CMIP: variants seen among roughly 807,000 people sequenced by gnomAD.
CMIP encodes c-Maf inducing protein.
A neutral mutation model predicts 97.3 loss-of-function variants in CMIP; 13 were observed. That is an observed-to-expected ratio of 0.13 (90% CI 0.09 to 0.21). The LOEUF (loss-of-function observed/expected upper bound fraction) is 0.21, where lower values mean the gene tolerates loss of function less well. Ranked by LOEUF, CMIP falls within the 10% of genes least tolerant of loss-of-function variation. The pLI, the probability that CMIP is intolerant of heterozygous loss-of-function variation, is 1.00. For synonymous variants in CMIP, 538 were observed against 436.3 expected, an observed-to-expected ratio of 1.23 and a Z score of -2.91; for missense variants, 847 against 1,024.9, an observed-to-expected ratio of 0.83 and a Z score of 2.37.
chr16:81,543,488 CT>C (rs1208104157), intron 1 of CMIP, among the ~76,000 whole-genome samples: 14 of 152,140 alleles, frequency 9.2e-5, no homozygotes, highest in African/African-American at 3.4e-4. Context: ...TGTGACCTCC[CT>C]TTTCCAGCAG....
chr16:81,635,801 T>C (rs2092227235), intron 3 of CMIP, among the ~76,000 whole-genome samples: 1 of 152,096 alleles, frequency 6.6e-6, no homozygotes, highest in African/African-American at 2.4e-5. Context: ...GGGGGACAGC[T>C]CTGCCCATTC....
chr16:81,582,261 C>G (rs1567592828), intron 1 of CMIP, among the ~76,000 whole-genome samples: 1 of 152,190 alleles, frequency 6.6e-6, no homozygotes, highest in Non-Finnish European at 1.5e-5. Flanking sequence ...TGTCAAGCCT[C>G]TTCCCCAAAT....
chr16:81,526,101 T>C (rs4889332), intron 1 of CMIP, among the ~76,000 whole-genome samples: 36,042 of 152,026 alleles, frequency 0.24, 4,451 homozygotes, highest in East Asian at 0.42. Context: ...GCTGTGAACA[T>C]TGGTATATAA....
At chr16:81,466,068 C>G (rs1222697952) in intron 1 of CMIP, among the ~76,000 whole-genome samples, 1 of 150,646 alleles carries the variant, frequency 6.6e-6, no homozygotes, top group African/African-American at 2.4e-5. Flanking sequence ...TTTATTTTGT[C>G]TTATTTTTTT....
chr16:81,572,952 C>T (rs1054749625), intron 1 of CMIP, among the ~76,000 whole-genome samples: 3 of 152,200 alleles, frequency 2.0e-5, no homozygotes, highest in Non-Finnish European at 2.9e-5. Context: ...CTTCAAATAT[C>T]AGCAAGTTTC....
At position 81,607,730 on chromosome 16, in the gene CMIP, C is replaced by T. The variant is rs184522379; in HGVS notation, c.426+38C>T. The T allele has an allele frequency of 2.2e-4, 346 of 1,604,654 alleles. 1 individual carries two copies. In the African/African-American group the frequency reaches 3.8e-3, roughly 18 times the overall value. On this transcript the variant is annotated intron_variant, in intron 2 of 20. Coordinates refer to ENST00000537098, the MANE Select transcript of CMIP (RefSeq NM_198390.3). ...AACATGAACAAGCAGTTTCTTCTCC[C>T]TCATCTTCATGCACTTGTGCCCCTC...
chr16:81,541,042 C>A (rs963530834), intron 1 of CMIP, among the ~76,000 whole-genome samples: 1 of 151,118 alleles, frequency 6.6e-6, no homozygotes, highest in African/African-American at 2.4e-5. Flanking sequence ...GGGTGCTGAA[C>A]CCCTCTGTTA....
At chr16:81,516,453 G>A (rs181908541) in intron 1 of CMIP, among the ~76,000 whole-genome samples, 1,536 of 151,782 alleles carry the variant, frequency 0.01, 23 homozygotes, top group African/African-American at 0.035. Flanking sequence ...GCAGATACGT[G>A]CCGTGTTCCA....
chr16:81,607,721 T>G, intron 2 of CMIP, 29 bp downstream of exon 2: 1 of 1,608,356 alleles, frequency 6.2e-7, no homozygotes, highest in Non-Finnish European at 8.5e-7. Flanking sequence ...AACAAGCAGT[T>G]TCTTCTCCCT....
intron 1 of CMIP, among the ~76,000 whole-genome samples, chr16:81,561,069 C>G (rs1039529777): frequency 6.6e-6 from 1 of 152,196 alleles, no homozygotes; most frequent in African/African-American, 2.4e-5. Flanking sequence ...ATTCTCATGC[C>G]TCAGCCTCCT....
chr16:81,585,314 C>T (rs749547125), intron 1 of CMIP, among the ~76,000 whole-genome samples: 14 of 152,168 alleles, frequency 9.2e-5, no homozygotes, highest in South Asian at 4.1e-4. Context: ...GTACTCCAGC[C>T]TGGGCAAAAG....
chr16:81,684,518 T>C (rs1905190882), intron 10 of CMIP, among the ~76,000 whole-genome samples: 1 of 152,178 alleles, frequency 6.6e-6, no homozygotes, highest in Non-Finnish European at 1.5e-5. Context: ...TGAGGTGGCA[T>C]CTTCTGAACT....
intron 15 of CMIP, among the ~76,000 whole-genome samples, chr16:81,700,238 C>T (rs1309365297): frequency 6.6e-6 from 1 of 152,054 alleles, no homozygotes; most frequent in Non-Finnish European, 1.5e-5. Flanking sequence ...ACAATGAGGG[C>T]TTTGGCGGCT....
chr16:81,535,394 G>A (rs536966127), intron 1 of CMIP, among the ~76,000 whole-genome samples: 39 of 151,498 alleles, frequency 2.6e-4, no homozygotes, highest in East Asian at 1.4e-3. Context: ...TAACCTTCTC[G>A]TGGGCTGTGT....
At chr16:81,623,345 A>G (rs1037930921) in intron 3 of CMIP, among the ~76,000 whole-genome samples, 41 of 152,344 alleles carry the variant, frequency 2.7e-4, no homozygotes, top group African/African-American at 9.1e-4. Context: ...CGGTTTATTT[A>G]TGGTTGCTAA....
intron 1 of CMIP, among the ~76,000 whole-genome samples, chr16:81,531,654 G>A (rs946496249): frequency 2.0e-5 from 3 of 152,308 alleles, no homozygotes; most frequent in Admixed American, 1.3e-4. Context: ...TGGGCCTGCC[G>A]CCCGACCTTT....
intron 1 of CMIP, among the ~76,000 whole-genome samples, chr16:81,446,622 G>A (rs1455624733): frequency 2.6e-5 from 4 of 152,144 alleles, no homozygotes. Flanking sequence ...TTTACTAAGC[G>A]CAGTGGGAGG....
chr16:81,591,261 C>A (rs1335391094), intron 1 of CMIP, among the ~76,000 whole-genome samples: 1 of 152,188 alleles, frequency 6.6e-6, no homozygotes, highest in Middle Eastern at 3.2e-3. Context: ...GAGCAGTTGA[C>A]CCAGTATCTG....
rs554944970 is a variant in CMIP, at chr16:81,705,999, A to G, written c.2197+395A>G. Reference sequence around the variant, plus strand: ...AAATGTACATTCCCAAGCCCACTCCAGACCTCCTGACTCAGACACCGTACG... The same window carrying G: ...AAATGTACATTCCCAAGCCCACTCCGGACCTCCTGACTCAGACACCGTACG... On this transcript the variant is annotated intron_variant, in intron 19 of 20. Transcript: ENST00000537098. 5.7e-4 allele frequency among the ~76,000 whole-genome samples: 87 copies of G among 152,316 alleles called. No individual in the cohort carries two copies. In the Middle Eastern group the frequency reaches 0.014, roughly 24 times the overall value.
Sources: gnomAD v4.1 joint callset for allele counts (sites outside exome capture counted in the v4.1 genomes callset) on GRCh38, gnomAD v4.1.1 for gene constraint, MANE v1.5 for transcripts, NCBI Gene and HGNC (gene_info 2026-07-23, HGNC 2026-07-21) for gene names.